Variants in ZDHHC17 observed in about 807,000 individuals in gnomAD.
ZDHHC17 encodes the protein palmitoyltransferase ZDHHC17.
ZDHHC17 carries 40 observed loss-of-function variants against 90.3 expected under a neutral mutation model. The observed-to-expected ratio is 0.44, with a 90% confidence interval of 0.34 to 0.58. The LOEUF (loss-of-function observed/expected upper bound fraction) is 0.58, where lower values mean the gene tolerates loss of function less well. Ranked by LOEUF, ZDHHC17 falls within the 20% of genes least tolerant of loss-of-function variation. ZDHHC17 has a pLI of 0.01. For missense variants in ZDHHC17, 614 were observed against 780.8 expected, an observed-to-expected ratio of 0.79 and a Z score of 2.55; for synonymous variants, 235 against 252.4, an observed-to-expected ratio of 0.93 and a Z score of 0.65.
intron 10 of ZDHHC17, among the ~76,000 whole-genome samples, chr12:76,833,120 A>G (rs1429781967): frequency 6.6e-6 from 1 of 152,186 alleles, no homozygotes; most frequent in Non-Finnish European, 1.5e-5. Flanking sequence ...TGTTTGTTCT[A>G]GTAAGTTCTT....
chr12:76,827,192 G>T (rs1953240402), intron 9 of ZDHHC17, 142 bp downstream of exon 9: 2 of 956,734 alleles, frequency 2.1e-6, no homozygotes, highest in Non-Finnish European at 2.8e-6. Flanking sequence ...TGAAATATGA[G>T]ATTTTTTAAA....
chr12:76,835,598 C>T (rs1200257331), intron 10 of ZDHHC17, among the ~76,000 whole-genome samples: 1 of 151,956 alleles, frequency 6.6e-6, no homozygotes, highest in African/African-American at 2.4e-5. Context: ...TAGTTATTGA[C>T]AACAACCTTG....
rs1039254812 is a variant in ZDHHC17, at chr12:76,802,078, T to C, written c.198-3239T>C. On this transcript the variant is annotated intron_variant, in intron 2 of 16. Transcript: ENST00000426126. ...TTTTTCATATGCCTTTGAGTTACTGTCTAGTGTCCCTTAATTTCACCTGGC... is the reference window on the plus strand; with the variant it reads ...TTTTTCATATGCCTTTGAGTTACTGCCTAGTGTCCCTTAATTTCACCTGGC... Among the ~76,000 whole-genome samples, 10 of 152,212 alleles carry C rather than the reference T, an allele frequency of 6.6e-5. 1 individual carries two copies. The highest frequency in any genetic ancestry group is 2.4e-4 in the African/African-American group (10 of 41,454).
chr12:76,826,720 T>C lies in ZDHHC17; in HGVS notation c.898-188T>C, dbSNP rs190925765. ...ATTTTCCACAATTTTAGCAAAGTTA[T>C]TTAAAATTGTTCATTGCCTGTCTCC... On this transcript the variant is annotated intron_variant, in intron 8 of 16. Transcript: ENST00000426126. Among the ~76,000 whole-genome samples, 6 of 152,304 alleles carry C rather than the reference T, an allele frequency of 3.9e-5. No homozygotes were observed. In the East Asian group the frequency reaches 1.2e-3, roughly 29 times the overall value.
In ZDHHC17 at chr12:76,809,728, C is replaced by T; in HGVS notation, c.414C>T (p.Ser138=). 1 of 1,558,738 alleles carries T rather than the reference C, an allele frequency of 6.4e-7. No homozygotes were observed. The highest frequency in any genetic ancestry group is 8.7e-7 in the Non-Finnish European group (1 of 1,155,390). The change falls in exon 5 of 17, where the codon TCC becomes TCT. Residue 138 remains serine (S), a synonymous_variant. Coordinates refer to ENST00000426126, the MANE Select transcript of ZDHHC17 (RefSeq NM_015336.4). ...TATGTTTTAGACAAGGCCATCTATC[C>T]ATGGTTGTGCAACTAATGAAATATG... is the stretch of plus-strand genomic sequence containing the variant. ...LHWATRQGHL[S]MVVQLMKYGA...
At chr12:76,781,083 G>A (rs916720948) in intron 1 of ZDHHC17, among the ~76,000 whole-genome samples, 20 of 144,954 alleles carry the variant, frequency 1.4e-4, no homozygotes, top group Non-Finnish European at 2.4e-4. Context: ...GCAGTGAGCC[G>A]AGATTGCGCC....
At chr12:76,832,538 T>A (rs1953316181) in intron 10 of ZDHHC17, among the ~76,000 whole-genome samples, 1 of 152,228 alleles carries the variant, frequency 6.6e-6, no homozygotes, top group South Asian at 2.1e-4. Flanking sequence ...CATCAGTTGA[T>A]CACTACATAA....
rs763901629 is a variant in ZDHHC17 at position 76,797,526 on chromosome 12, C to A, written c.186C>A (p.Val62=). 1.3e-6 allele frequency: 2 copies of A among 1,596,774 alleles called. No homozygotes were observed. The highest frequency in any genetic ancestry group is 1.3e-5 in the African/African-American group (1 of 74,194). ...ATGATTACAGCACATGGGACATAGT[C>A]AAGGCTACACAGTAAGGTTTTTGTT... ...HIDDYSTWDI[V]KATQYGIYER... is the part of the protein sequence containing the mutation. The change falls in exon 2 of 17, where the codon GTC becomes GTA. Residue 62 remains valine (V), a synonymous_variant. Coordinates refer to ENST00000426126, the MANE Select transcript of ZDHHC17 (RefSeq NM_015336.4).
intron 10 of ZDHHC17, among the ~76,000 whole-genome samples, chr12:76,836,827 T>A (rs1953369611): frequency 6.6e-6 from 1 of 152,198 alleles, no homozygotes; most frequent in Non-Finnish European, 1.5e-5. Flanking sequence ...GTCCATATTT[T>A]GGAGTTTCAT....
chr12:76,812,455 A>G (rs901212104), intron 5 of ZDHHC17, among the ~76,000 whole-genome samples: 3 of 152,104 alleles, frequency 2.0e-5, no homozygotes, highest in Admixed American at 2.0e-4. Flanking sequence ...TGGTTGCTCA[A>G]ATTTTATTAG....
intron 8 of ZDHHC17, among the ~76,000 whole-genome samples, chr12:76,825,421 G>A (rs901124045): frequency 6.6e-6 from 1 of 152,018 alleles, no homozygotes; most frequent in Non-Finnish European, 1.5e-5. Flanking sequence ...TTCTCACATA[G>A]CAGCACATTA....
chr12:76,813,339 A>G (rs754966550), intron 5 of ZDHHC17: 3 of 450,640 alleles, frequency 6.7e-6, no homozygotes, highest in Non-Finnish European at 1.3e-5. Context: ...GTACTTGCAT[A>G]TTGGAAATGT....
At chr12:76,782,214 T>C (rs1050572716) in intron 1 of ZDHHC17, among the ~76,000 whole-genome samples, 4 of 152,138 alleles carry the variant, frequency 2.6e-5, no homozygotes, top group African/African-American at 7.2e-5. Flanking sequence ...CTCTGAGAGA[T>C]TGGGGGACTT....
intron 1 of ZDHHC17, among the ~76,000 whole-genome samples, chr12:76,796,158 T>C (rs968414530): frequency 2.0e-5 from 3 of 152,182 alleles, no homozygotes; most frequent in Non-Finnish European, 2.9e-5. Context: ...TAAAATACTC[T>C]CAACTTGGTA....
chr12:76,839,339 G>A (rs1029838306), intron 10 of ZDHHC17, among the ~76,000 whole-genome samples: 4 of 152,138 alleles, frequency 2.6e-5, no homozygotes, highest in East Asian at 1.9e-4. Flanking sequence ...AGCCTGCCTC[G>A]CCAGAATCAT....
At chr12:76,842,871 G>A (rs1022469351) in intron 11 of ZDHHC17, 48 bp from the exon 12 acceptor site, 3 of 1,403,720 alleles carry the variant, frequency 2.1e-6, no homozygotes, top group Non-Finnish European at 3.0e-6. Context: ...AAAAGAGTTG[G>A]TGAGCATTGT....
chr12:76,807,283 C>T (rs1211438093), intron 3 of ZDHHC17, among the ~76,000 whole-genome samples: 1 of 152,182 alleles, frequency 6.6e-6, no homozygotes, highest in Admixed American at 6.5e-5. Context: ...TACTGACTTT[C>T]AGCGGGAATA....
chr12:76,821,067 A>T, intron 7 of ZDHHC17: 1 of 1,289,530 alleles, frequency 7.8e-7, no homozygotes. Flanking sequence ...GGCAATCCTT[A>T]GGTGTCACAT....
At chr12:76,835,010 ATT>A (rs35815592) in intron 10 of ZDHHC17, among the ~76,000 whole-genome samples, 2 of 150,028 alleles carry the variant, frequency 1.3e-5, no homozygotes, top group Middle Eastern at 3.4e-3. Flanking sequence ...TTCCATTTAG[ATT>A]TTTTTTTTAG....
Sources: allele counts gnomAD v4.1 joint callset (sites outside exome capture counted in the v4.1 genomes callset), GRCh38; gene constraint gnomAD v4.1.1; transcripts MANE v1.5; gene names NCBI Gene and HGNC (gene_info 2026-07-23, HGNC 2026-07-21).